Variants in ZFHX3 observed in about 807,000 individuals in gnomAD.
ZFHX3 encodes the protein zinc finger homeobox protein 3.
A neutral mutation model predicts 279.1 loss-of-function variants in ZFHX3; 42 were observed. That is an observed-to-expected ratio of 0.15 (90% CI 0.12 to 0.19). The LOEUF (loss-of-function observed/expected upper bound fraction) is 0.19. Among genes scored for constraint, ZFHX3 ranks in the 10% least tolerant of loss-of-function variants. ZFHX3 has a pLI of 1.00. For synonymous variants in ZFHX3, 2,293 were observed against 1,957.8 expected, an observed-to-expected ratio of 1.17 and a Z score of -4.52; for missense variants, 4,981 against 4,754.0, an observed-to-expected ratio of 1.05 and a Z score of -1.40.
At chr16:73,324,238 GT>G (rs973141863) in intron 3 of ZFHX3, among the ~76,000 whole-genome samples, 2 of 152,018 alleles carry the variant, frequency 1.3e-5, no homozygotes, top group African/African-American at 2.4e-5. Context: ...TTGCTGGATT[GT>G]TTTTTTTCCT....
intron 5 of ZFHX3, among the ~76,000 whole-genome samples, chr16:73,168,279 C>CTTTCTTTCTTTCTTTCTTTCTT (rs1555502322): frequency 7.0e-6 from 1 of 143,646 alleles, no homozygotes; most frequent in Admixed American, 7.1e-5. Flanking sequence ...TTCTTTCTTT[C>CTTTCTTTCTTTCTTTCTTTCTT]GAGACAAAGT....
chr16:73,456,840 G>A (rs781168233), intron 2 of ZFHX3, among the ~76,000 whole-genome samples: 10 of 152,190 alleles, frequency 6.6e-5, no homozygotes, highest in Non-Finnish European at 1.5e-4. Context: ...CCATATGCAT[G>A]ACCTTTAAAA....
At chr16:72,848,298 G>A (rs547430270) in intron 4 of ZFHX3, among the ~76,000 whole-genome samples, 7 of 152,244 alleles carry the variant, frequency 4.6e-5, no homozygotes, top group Admixed American at 3.9e-4. Context: ...ACTGGGAGGT[G>A]CTCCCTCTGC....
Position 72,932,793 on chromosome 16 carries a change from A to G in ZFHX3, c.3216+17676T>C, listed in dbSNP as rs541114323. On this transcript the variant is annotated intron_variant, in intron 3 of 9. Coordinates refer to ENST00000268489, the MANE Select transcript of ZFHX3 (RefSeq NM_006885.4). ...AAGAAGACGATGGGAAATCTAATGC[A>G]GAAAAGCAGAGTCCTTAACACCTTT... Among the ~76,000 whole-genome samples, 22 of 152,372 alleles carry G rather than the reference A, an allele frequency of 1.4e-4. 1 individual carries two copies. The South Asian group carries it at 4.3e-3, about 30-fold the overall frequency.
chr16:73,734,800 C>T (rs2053595872), intron 1 of ZFHX3, among the ~76,000 whole-genome samples: 1 of 151,990 alleles, frequency 6.6e-6, no homozygotes, highest in African/African-American at 2.4e-5. Flanking sequence ...GTGAAACATG[C>T]TAAGAAACTT....
intron 5 of ZFHX3, among the ~76,000 whole-genome samples, chr16:73,248,305 G>GTA (rs2013367764): frequency 6.6e-6 from 1 of 151,812 alleles, no homozygotes; most frequent in Non-Finnish European, 1.5e-5. Context: ...CATATGATAT[G>GTA]TGTGTGTGTA....
At chr16:73,253,354 GAGAA>G (rs1394664921) in intron 5 of ZFHX3, among the ~76,000 whole-genome samples, 1 of 152,144 alleles carries the variant, frequency 6.6e-6, no homozygotes, top group Non-Finnish European at 1.5e-5. Flanking sequence ...TCAATGGAAA[GAGAA>G]AGTTAAATAC....
intron 4 of ZFHX3, among the ~76,000 whole-genome samples, chr16:73,289,643 A>C (rs1420879328): frequency 6.6e-6 from 1 of 152,034 alleles, no homozygotes; most frequent in Non-Finnish European, 1.5e-5. Flanking sequence ...CAGGAGCTGC[A>C]TCATCCTTTC....
At chr16:73,558,182 T>C in intron 2 of ZFHX3, 1 of 152,230 alleles carries the variant, frequency 6.6e-6, no homozygotes, top group Non-Finnish European at 1.5e-5. Context: ...TCTAAATGCC[T>C]GCATTTTATG....
In ZFHX3 at chr16:73,057,551, G is replaced by A. The variant is rs1453895813; in HGVS notation, c.-24+979C>T. 1.0e-4 allele frequency among the ~76,000 whole-genome samples: 15 copies of A among 143,032 alleles called. No homozygotes were observed. In the East Asian group the frequency reaches 3.0e-3, roughly 29 times the overall value. 93.8% of individuals were successfully genotyped at this position (143,032 alleles called of 152,430 possible). ...TCGCGAGAGCAAAAAAAAAAAAAAA[G>A]AAGAAGAAGAAGAAAGAAAAGAAAA... On this transcript the variant is annotated intron_variant, in intron 1 of 8. Transcript: ENST00000397992.
intron 3 of ZFHX3, among the ~76,000 whole-genome samples, chr16:73,319,530 G>A (rs1053411192): frequency 2.0e-5 from 3 of 151,930 alleles, no homozygotes; most frequent in East Asian, 1.9e-4. Flanking sequence ...ATGGAGTCCC[G>A]CTGGGGGAAG....
intron 5 of ZFHX3, among the ~76,000 whole-genome samples, chr16:73,204,459 G>A (rs528566142): frequency 2.6e-5 from 4 of 152,186 alleles, no homozygotes; most frequent in Non-Finnish European, 5.9e-5. Context: ...CCTCGCAAGT[G>A]CAGTTCACAA....
chr16:73,109,236 G>A (rs953155888), intron 7 of ZFHX3, among the ~76,000 whole-genome samples: 3 of 152,188 alleles, frequency 2.0e-5, no homozygotes, highest in African/African-American at 7.2e-5. Flanking sequence ...GTGTGCATAG[G>A]TTTCGTGTCT....
intron 1 of ZFHX3, among the ~76,000 whole-genome samples, chr16:73,807,011 A>C (rs1361625925): frequency 6.6e-6 from 1 of 152,228 alleles, no homozygotes; most frequent in Admixed American, 6.5e-5. Context: ...CTGGTCTAGA[A>C]GCAGGTGCAA....
At chr16:73,027,866 C>G (rs982426223) in intron 1 of ZFHX3, among the ~76,000 whole-genome samples, 10 of 152,206 alleles carry the variant, frequency 6.6e-5, no homozygotes, top group African/African-American at 2.4e-4. Flanking sequence ...TATACTGCCC[C>G]TCCTGTGCTC....
intron 1 of ZFHX3, among the ~76,000 whole-genome samples, chr16:73,728,772 T>C (rs1303027603): frequency 6.6e-6 from 1 of 150,842 alleles, no homozygotes; most frequent in African/African-American, 2.4e-5. Context: ...ACTGCCCTCG[T>C]AGCACATAAT....
chr16:73,584,290 G>A (rs2051895089), intron 2 of ZFHX3, among the ~76,000 whole-genome samples: 1 of 152,168 alleles, frequency 6.6e-6, no homozygotes, highest in Non-Finnish European at 1.5e-5. Flanking sequence ...ATAGAGCCTA[G>A]TAAATCCTAA....
intron 3 of ZFHX3, among the ~76,000 whole-genome samples, chr16:72,911,670 T>G (rs1228402359): frequency 6.6e-6 from 1 of 152,158 alleles, no homozygotes; most frequent in Non-Finnish European, 1.5e-5. Flanking sequence ...TAAATTAAGT[T>G]AAATAAAATG....
intron 5 of ZFHX3, among the ~76,000 whole-genome samples, chr16:73,247,596 G>C (rs1297256025): frequency 1.3e-5 from 2 of 151,652 alleles, no homozygotes; most frequent in South Asian, 2.1e-4. Flanking sequence ...TGTATATGAT[G>C]TGTCTGTGTA....
Sources: gnomAD v4.1 joint callset for allele counts (sites outside exome capture counted in the v4.1 genomes callset) on GRCh38, gnomAD v4.1.1 for gene constraint, MANE v1.5 for transcripts, NCBI Gene and HGNC (gene_info 2026-07-23, HGNC 2026-07-21) for gene names.